The following SPRED2 variants were observed in gnomAD, a reference collection of about 807,000 sequenced individuals.
The protein encoded by SPRED2 is sprouty-related, EVH1 domain-containing protein 2.
SPRED2 carries 47 observed loss-of-function variants against 43.0 expected under a neutral mutation model. That is an observed-to-expected ratio of 1.09 (90% CI 0.87 to 1.40). The LOEUF (loss-of-function observed/expected upper bound fraction) is 1.40, where lower values mean the gene tolerates loss of function less well. Ranked by LOEUF, SPRED2 falls within the 40% of genes most tolerant of loss-of-function variation. The probability of loss-of-function intolerance (pLI) is 0.00; values close to 1 mark genes in which losing one functional copy is unlikely to be tolerated. For synonymous variants in SPRED2, 225 were observed against 225.7 expected (o/e 1.00, Z 0.03); for missense variants, 561 against 586.4 (o/e 0.96, Z 0.45).
At chr2:65,390,338 G>A (rs1675602742) in intron 1 of SPRED2, among the ~76,000 whole-genome samples, 1 of 152,184 alleles carries the variant, frequency 6.6e-6, no homozygotes, top group Non-Finnish European at 1.5e-5. Context: ...GCTCCCTCCC[G>A]ACAGGTGGAA....
At position 65,316,714 on chromosome 2, in the gene SPRED2, G is replaced by A. The variant is rs766894294; in HGVS notation, c.588+20C>T. ...GAGGCACCACCCTGATGCCCTCAGA[G>A]GAACAGGGCTGCTGCTCACCTGATC... On this transcript the variant is annotated intron_variant, in intron 5 of 5. Coordinates refer to ENST00000356388, the MANE Select transcript of SPRED2 (RefSeq NM_181784.3). 6.9e-6 allele frequency: 11 copies of A among 1,599,566 alleles called. No homozygotes were observed. Among genetic ancestry groups the A allele is most frequent in the Non-Finnish European group, 9.4e-6 (11 of 1,173,610 alleles).
intron 1 of SPRED2, among the ~76,000 whole-genome samples, chr2:65,419,005 T>C (rs1011563136): frequency 6.6e-6 from 1 of 152,206 alleles, no homozygotes; most frequent in Non-Finnish European, 1.5e-5. Flanking sequence ...AATCCCTTTA[T>C]TCTAGAGATG....
downstream of SPRED2, among the ~76,000 whole-genome samples, chr2:65,308,734 GC>G (rs1258665567): frequency 6.6e-6 from 1 of 152,208 alleles, no homozygotes; most frequent in Non-Finnish European, 1.5e-5. Context: ...GAAGTCACTT[GC>G]CCAAGAACTA....
intron 1 of SPRED2, among the ~76,000 whole-genome samples, chr2:65,418,844 C>A (rs187034305): frequency 6.6e-6 from 1 of 151,088 alleles, no homozygotes. Flanking sequence ...TATGAGCCAC[C>A]GCACCTGGCC....
intron 1 of SPRED2, 69 bp downstream of exon 1, chr2:65,431,893 G>T: frequency 1.9e-6 from 3 of 1,574,224 alleles, no homozygotes; most frequent in Non-Finnish European, 2.6e-6. Context: ...GTCCCCGCCC[G>T]CATCCTCAGC....
At chr2:65,337,243 A>C (rs1385075715) in intron 2 of SPRED2, among the ~76,000 whole-genome samples, 1 of 152,220 alleles carries the variant, frequency 6.6e-6, no homozygotes, top group Admixed American at 6.5e-5. Context: ...AAAAATGAAA[A>C]GGTTTTAGAT....
chr2:65,396,866 T>C (rs1675771320), intron 1 of SPRED2, among the ~76,000 whole-genome samples: 1 of 152,214 alleles, frequency 6.6e-6, no homozygotes, highest in African/African-American at 2.4e-5. Flanking sequence ...ACCATGCACT[T>C]GAAAAATTAG....
chr2:65,308,911 G>A (rs1164638325), downstream of SPRED2, among the ~76,000 whole-genome samples: 1 of 152,138 alleles, frequency 6.6e-6, no homozygotes, highest in Non-Finnish European at 1.5e-5. Context: ...CCAACACTTT[G>A]GGAGGCCAAG....
chr2:65,333,751 A>G (rs2104212470), intron 3 of SPRED2, among the ~76,000 whole-genome samples: 1 of 152,274 alleles, frequency 6.6e-6, no homozygotes, highest in South Asian at 2.1e-4. Flanking sequence ...TTGTCTTACT[A>G]CTGATTATAA....
intron 2 of SPRED2, among the ~76,000 whole-genome samples, chr2:65,336,277 C>G (rs978819384): frequency 6.6e-6 from 1 of 152,092 alleles, no homozygotes; most frequent in East Asian, 1.9e-4. Context: ...AACGCTTGAG[C>G]CTGGGAGGCT....
chr2:65,402,278 CAAAAAAAAAAA>C (rs58209803), intron 1 of SPRED2, among the ~76,000 whole-genome samples: 5 of 64,404 alleles, frequency 7.8e-5, no homozygotes, highest in African/African-American at 3.6e-4. Flanking sequence ...GACTCTGTCT[CAAAAAAAAAAA>C]AAAAAAAAAA....
At chr2:65,363,005 GTTTTT>G (rs113081105) in intron 1 of SPRED2, among the ~76,000 whole-genome samples, 61 of 121,106 alleles carry the variant, frequency 5.0e-4, no homozygotes, top group East Asian at 1.6e-3. Context: ...ATCATGTTTT[GTTTTT>G]TTTTTTTTTT....
chr2:65,399,816 G>A (rs1330434749), intron 1 of SPRED2, among the ~76,000 whole-genome samples: 1 of 152,116 alleles, frequency 6.6e-6, no homozygotes, highest in African/African-American at 2.4e-5. Flanking sequence ...TTGGGGACTT[G>A]GGGGAAAGGG....
chr2:65,350,863 A>T (rs912221978), intron 1 of SPRED2, among the ~76,000 whole-genome samples: 2 of 152,222 alleles, frequency 1.3e-5, no homozygotes, highest in African/African-American at 2.4e-5. Flanking sequence ...GGGTCTCACA[A>T]AGAATGTGTG....
intron 1 of SPRED2, among the ~76,000 whole-genome samples, chr2:65,427,879 C>T (rs1164680023): frequency 6.6e-6 from 1 of 152,222 alleles, no homozygotes; most frequent in African/African-American, 2.4e-5. Context: ...TGGAGTGCTC[C>T]ATTCCCAGCT....
At chr2:65,348,538 C>CA (rs1484394534) in intron 1 of SPRED2, among the ~76,000 whole-genome samples, 2 of 152,160 alleles carry the variant, frequency 1.3e-5, no homozygotes, top group Non-Finnish European at 2.9e-5. Flanking sequence ...AGCGGTGGCT[C>CA]ATGCCTGTAA....
At chr2:65,383,423 A>G (rs901807535) in intron 1 of SPRED2, among the ~76,000 whole-genome samples, 1 of 152,204 alleles carries the variant, frequency 6.6e-6, no homozygotes, top group African/African-American at 2.4e-5. Flanking sequence ...TTCTTTAGCT[A>G]ATATCCCCTG....
intron 1 of SPRED2, among the ~76,000 whole-genome samples, chr2:65,365,183 T>C (rs1345234650): frequency 1.3e-5 from 2 of 152,246 alleles, no homozygotes; most frequent in Non-Finnish European, 2.9e-5. Flanking sequence ...TTTCAAATAC[T>C]GTTCTTCTTC....
chr2:65,401,945 A>AGTG, intron 1 of SPRED2, among the ~76,000 whole-genome samples: 1 of 132,896 alleles, frequency 7.5e-6, no homozygotes, highest in African/African-American at 3.3e-5. Context: ...GCGCACACAC[A>AGTG]CACACACACA....
Sources: gnomAD v4.1 joint callset for allele counts (sites outside exome capture counted in the v4.1 genomes callset) on GRCh38, gnomAD v4.1.1 for gene constraint, MANE v1.5 for transcripts, NCBI Gene and HGNC (gene_info 2026-07-23, HGNC 2026-07-21) for gene names.